OSBPL1A: variants seen among roughly 807,000 people sequenced by gnomAD.
OSBPL1A encodes oxysterol binding protein like 1A.
A neutral mutation model predicts 137.1 loss-of-function variants in OSBPL1A; 80 were observed. The observed-to-expected ratio is 0.58, with a 90% confidence interval of 0.49 to 0.70. The LOEUF (loss-of-function observed/expected upper bound fraction) is 0.70, where lower values mean the gene tolerates loss of function less well. OSBPL1A is among the 30% of genes least tolerant of loss of function. The pLI, the probability that OSBPL1A is intolerant of heterozygous loss-of-function variation, is 0.00. For synonymous variants in OSBPL1A, 365 were observed against 389.7 expected (o/e 0.94, Z 0.75); for missense variants, 970 against 1,129.4 (o/e 0.86, Z 2.02).
chr18:24,383,735 A>G (rs1292669228), intron 1 of OSBPL1A, among the ~76,000 whole-genome samples: 1 of 152,222 alleles, frequency 6.6e-6, no homozygotes, highest in Non-Finnish European at 1.5e-5. Context: ...GCCTGGTGAC[A>G]GGGCAAGACT....
chr18:24,257,168 CA>C (rs1232887343), intron 15 of OSBPL1A, among the ~76,000 whole-genome samples: 1 of 151,900 alleles, frequency 6.6e-6, no homozygotes, highest in Non-Finnish European at 1.5e-5. Context: ...CCAAAATAGC[CA>C]AAAGTATCCT....
chr18:24,228,183 G>A (rs1362005769), intron 16 of OSBPL1A, among the ~76,000 whole-genome samples: 2 of 152,020 alleles, frequency 1.3e-5, no homozygotes, highest in Non-Finnish European at 2.9e-5. Flanking sequence ...TCAGATGACA[G>A]TGCAGACCCT....
intron 17 of OSBPL1A, among the ~76,000 whole-genome samples, chr18:24,204,145 C>T (rs573063082): frequency 1.7e-4 from 26 of 152,276 alleles, no homozygotes; most frequent in East Asian, 3.9e-4. Flanking sequence ...TTAACAATTT[C>T]GTATCTCACC....
intron 17 of OSBPL1A, among the ~76,000 whole-genome samples, chr18:24,212,057 G>A (rs570403897): frequency 6.6e-6 from 1 of 151,490 alleles, no homozygotes. Flanking sequence ...TTCATTTCTG[G>A]AATCTGCTTC....
intron 1 of OSBPL1A, among the ~76,000 whole-genome samples, chr18:24,378,466 C>G (rs912677247): frequency 6.6e-6 from 1 of 152,150 alleles, no homozygotes; most frequent in African/African-American, 2.4e-5. Flanking sequence ...AGAAATCTAT[C>G]CTGCAAAAAC....
chr18:24,385,687 A>G (rs141275002), intron 1 of OSBPL1A, among the ~76,000 whole-genome samples: 3 of 152,322 alleles, frequency 2.0e-5, no homozygotes, highest in Admixed American at 6.5e-5. Context: ...GGCAAATAGA[A>G]GAAGGCCACT....
At chr18:24,328,380 A>G (rs767063527) in intron 7 of OSBPL1A, among the ~76,000 whole-genome samples, 23 of 151,304 alleles carry the variant, frequency 1.5e-4, no homozygotes, top group Non-Finnish European at 2.7e-4. Context: ...TTTGACATCA[A>G]TATTTGCTTT....
intron 14 of OSBPL1A, among the ~76,000 whole-genome samples, chr18:24,282,576 T>C (rs9960977): frequency 3.3e-4 from 50 of 152,036 alleles, no homozygotes; most frequent in African/African-American, 1.2e-3. Context: ...AAACAAAATA[T>C]TGACAAGAGG....
chr18:24,280,795 G>C, intron 15 of OSBPL1A, 47 bp downstream of exon 15: 1 of 1,348,222 alleles, frequency 7.4e-7, no homozygotes, highest in Non-Finnish European at 1.0e-6. Flanking sequence ...AACCACGCAT[G>C]CAACATCCAA....
intron 14 of OSBPL1A, among the ~76,000 whole-genome samples, chr18:24,282,627 A>G (rs1465778118): frequency 6.6e-6 from 1 of 152,220 alleles, no homozygotes; most frequent in Non-Finnish European, 1.5e-5. Flanking sequence ...AACAAGTAAA[A>G]TATTATGTCC....
chr18:24,271,672 G>A lies in OSBPL1A; in HGVS notation c.1281+9170C>T, dbSNP rs961701172. 261 of 985,624 alleles carry A rather than the reference G, an allele frequency of 2.6e-4. No homozygotes were observed. The highest frequency in any genetic ancestry group is 2.8e-4 in the Non-Finnish European group (236 of 830,208). 61.1% of individuals were successfully genotyped at this position (985,624 alleles called of 1,614,324 possible). ...TGGCGCGCTCCACCCTGCGCTCCTCGCAAGCTCCAGCGCGAATGCGCTCGG... is the reference window on the plus strand; with the variant it reads ...TGGCGCGCTCCACCCTGCGCTCCTCACAAGCTCCAGCGCGAATGCGCTCGG... On this transcript the variant is annotated intron_variant, in intron 15 of 27. Transcript: ENST00000319481. The surrounding 1 kb of genome is among the most constrained non-coding windows in gnomAD (Gnocchi z 4.0).
intron 24 of OSBPL1A, 77 bp from the exon 25 acceptor site, chr18:24,167,522 C>T: frequency 1.7e-6 from 2 of 1,143,256 alleles, no homozygotes; most frequent in Non-Finnish European, 2.7e-6. Flanking sequence ...ATGACATTTT[C>T]AGTCAACAAC....
intron 17 of OSBPL1A, among the ~76,000 whole-genome samples, chr18:24,220,118 A>G (rs1022816809): frequency 3.3e-5 from 5 of 152,150 alleles, no homozygotes; most frequent in Admixed American, 2.0e-4. Context: ...CAACTTGCCA[A>G]TCTGTTCCAG....
intron 18 of OSBPL1A, among the ~76,000 whole-genome samples, chr18:24,192,113 C>T (rs979694396): frequency 6.6e-6 from 1 of 152,154 alleles, no homozygotes; most frequent in African/African-American, 2.4e-5. Context: ...TACTCCAAGA[C>T]ATTTGAACAC....
intron 15 of OSBPL1A, among the ~76,000 whole-genome samples, chr18:24,279,968 G>C (rs1384343308): frequency 1.3e-5 from 2 of 150,840 alleles, no homozygotes; most frequent in African/African-American, 4.9e-5. Context: ...TTTTTTTTGA[G>C]ACAGAGTCTA....
intron 14 of OSBPL1A, among the ~76,000 whole-genome samples, chr18:24,294,116 G>A (rs540336785): frequency 2.6e-5 from 4 of 152,090 alleles, no homozygotes; most frequent in South Asian, 4.2e-4. Context: ...AGTTTTGGGG[G>A]AATAGGTGGT....
rs1054863326 is a variant in OSBPL1A at position 24,271,748 on chromosome 18, G to A, written c.1281+9094C>T. 7 of 985,508 alleles carry A rather than the reference G, an allele frequency of 7.1e-6. No homozygotes were observed. The highest frequency in any genetic ancestry group is 1.7e-5 in the African/African-American group (1 of 57,236). 61.0% of individuals were successfully genotyped at this position (985,508 alleles called of 1,614,324 possible). ...CGAGCCGAGGCGAGCCGATCCGGGA[G>A]GCGCGACCCAGGGCGGCCCGCAAGG... On this transcript the variant is annotated intron_variant, in intron 15 of 27. Transcript: ENST00000319481. The surrounding 1 kb of genome is among the most constrained non-coding windows in gnomAD (Gnocchi z 4.0).
chr18:24,283,289 T>C (rs1159609095), intron 14 of OSBPL1A, among the ~76,000 whole-genome samples: 3 of 108,474 alleles, frequency 2.8e-5, no homozygotes, highest in Non-Finnish European at 6.0e-5. Context: ...AAAATATATA[T>C]ATATATATAT....
intron 5 of OSBPL1A, among the ~76,000 whole-genome samples, chr18:24,340,240 T>C (rs1289777925): frequency 6.6e-6 from 1 of 152,260 alleles, no homozygotes; most frequent in African/African-American, 2.4e-5. Context: ...GGTTTTTGTT[T>C]TAAATTGCTT....
Sources: gnomAD v4.1 joint callset for allele counts (sites outside exome capture counted in the v4.1 genomes callset) on GRCh38, gnomAD v4.1.1 for gene constraint, Gnocchi (gnomAD v3.1) non-coding constraint, MANE v1.5 for transcripts, NCBI Gene and HGNC (gene_info 2026-07-23, HGNC 2026-07-21) for gene names.